GRIK2: variants seen among roughly 807,000 people sequenced by gnomAD.
GRIK2 encodes the protein glutamate receptor ionotropic, kainate 2.
A neutral mutation model predicts 100.3 loss-of-function variants in GRIK2; 32 were observed. The ratio of observed to expected loss-of-function variants is 0.32; its 90% confidence interval spans 0.24 to 0.43. The LOEUF is 0.43. Among genes scored for constraint, GRIK2 ranks in the 20% least tolerant of loss-of-function variants. The pLI, the probability that GRIK2 is intolerant of heterozygous loss-of-function variation, is 1.00. For synonymous variants in GRIK2, 417 were observed against 389.4 expected (o/e 1.07, Z -0.83); for missense variants, 843 against 1,114.9 (o/e 0.76, Z 3.47).
At chr6:101,538,646 G>A (rs1005675720) in intron 2 of GRIK2, among the ~76,000 whole-genome samples, 1 of 149,562 alleles carries the variant, frequency 6.7e-6, no homozygotes, top group Non-Finnish European at 1.5e-5. Flanking sequence ...GCTTGTATTT[G>A]CTCTAAAGGA....
At chr6:101,859,861 G>A (rs1297868537) in intron 11 of GRIK2, among the ~76,000 whole-genome samples, 1 of 152,152 alleles carries the variant, frequency 6.6e-6, no homozygotes, top group Non-Finnish European at 1.5e-5. Flanking sequence ...AACAGAGAGG[G>A]AGAAATGACC....
intron 4 of GRIK2, among the ~76,000 whole-genome samples, chr6:101,672,795 G>A (rs1472601238): frequency 6.6e-6 from 1 of 152,108 alleles, no homozygotes; most frequent in African/African-American, 2.4e-5. Context: ...TTATGGCTGT[G>A]TAGCATTCCA....
At position 101,939,471 on chromosome 6, in the gene GRIK2, A is replaced by G. The variant is rs574516785; in HGVS notation, c.2085+10839A>G. On this transcript the variant is annotated intron_variant, in intron 14 of 16. Coordinates refer to ENST00000369134, the MANE Select transcript of GRIK2 (RefSeq NM_021956.5). ...ATGAATACCGTACTTTTGCAAATAC[A>G]GGTTACCTATGGTTAATGCTACAAT... is the stretch of plus-strand genomic sequence containing the variant. 3.9e-5 allele frequency among the ~76,000 whole-genome samples: 6 copies of G among 152,192 alleles called. No homozygotes were observed. The South Asian group carries it at 1.2e-3, about 32-fold the overall frequency.
At chr6:101,516,156 T>C (rs963527460) in intron 2 of GRIK2, among the ~76,000 whole-genome samples, 6 of 151,204 alleles carry the variant, frequency 4.0e-5, no homozygotes, top group Admixed American at 3.3e-4. Flanking sequence ...AAAATGACCA[T>C]ACTGCCAAAA....
chr6:101,566,858 TATG>T (rs34517332), intron 2 of GRIK2, among the ~76,000 whole-genome samples: 199 of 150,378 alleles, frequency 1.3e-3, no homozygotes, highest in Middle Eastern at 3.6e-3. Flanking sequence ...ATAGACATTT[TATG>T]ATAGACATAT....
chr6:101,411,791 A>G (rs1172556434), intron 2 of GRIK2, among the ~76,000 whole-genome samples: 3 of 152,094 alleles, frequency 2.0e-5, no homozygotes, highest in Admixed American at 6.5e-5. Flanking sequence ...TAGAATATTT[A>G]TATCCACACA....
chr6:101,965,165 C>A (rs1193852147), intron 14 of GRIK2, among the ~76,000 whole-genome samples: 1 of 152,048 alleles, frequency 6.6e-6, no homozygotes, highest in Non-Finnish European at 1.5e-5. Context: ...ACCAAGGCAA[C>A]ATAAAATTAT....
At chr6:101,723,740 G>T (rs1272177287) in intron 7 of GRIK2, among the ~76,000 whole-genome samples, 20 of 151,884 alleles carry the variant, frequency 1.3e-4, no homozygotes, top group Admixed American at 1.3e-3. Flanking sequence ...ATATAATAAA[G>T]ACTAAATAGA....
At chr6:101,424,964 C>T (rs992794524) in intron 2 of GRIK2, among the ~76,000 whole-genome samples, 6 of 152,120 alleles carry the variant, frequency 3.9e-5, no homozygotes, top group East Asian at 3.9e-4. Flanking sequence ...TCCAGTCTAT[C>T]ATTGTTGGAC....
intron 14 of GRIK2, among the ~76,000 whole-genome samples, chr6:101,999,674 A>T (rs1485963071): frequency 1.3e-5 from 2 of 152,086 alleles, no homozygotes; most frequent in Non-Finnish European, 2.9e-5. Flanking sequence ...AAATGACTAT[A>T]TAAGTTTTTT....
In GRIK2 at chr6:101,780,932, A is replaced by G. The variant is rs1447821545; in HGVS notation, c.952-18716A>G. On this transcript the variant is annotated intron_variant, in intron 7 of 16. Transcript: ENST00000369134. ...GTGTTATATTGCTAGGGGTTATAAGAATGTCCTTTGACACTCATGAAATAA... is the reference window on the plus strand; with the variant it reads ...GTGTTATATTGCTAGGGGTTATAAGGATGTCCTTTGACACTCATGAAATAA... Among the ~76,000 whole-genome samples, 3 of 152,194 alleles carry G rather than the reference A, an allele frequency of 2.0e-5. No homozygotes were observed. The East Asian group carries it at 5.8e-4, about 29-fold the overall frequency.
chr6:101,938,959 A>G (rs1790783313), intron 14 of GRIK2, among the ~76,000 whole-genome samples: 2 of 152,028 alleles, frequency 1.3e-5, no homozygotes, highest in East Asian at 1.9e-4. Flanking sequence ...AGATTTGATT[A>G]TCTCTAAAGG....
intron 7 of GRIK2, among the ~76,000 whole-genome samples, chr6:101,796,549 G>A (rs986803211): frequency 6.6e-6 from 1 of 152,028 alleles, no homozygotes; most frequent in African/African-American, 2.4e-5. Context: ...AAAACAACTA[G>A]TCTAAAATTA....
chr6:101,699,173 C>T lies in GRIK2; in HGVS notation c.951+12820C>T, dbSNP rs971533566. ...CCACAGTGCTAGAGTTACTGCCAGA[C>T]CTGGGGTCCTGGTATTTCTGCTGAA... On this transcript the variant is annotated intron_variant, in intron 7 of 16. Coordinates refer to ENST00000369134, the MANE Select transcript of GRIK2 (RefSeq NM_021956.5). Among the ~76,000 whole-genome samples, 3 of 152,244 alleles carry T rather than the reference C, an allele frequency of 2.0e-5. No individual in the cohort carries two copies. The South Asian group carries it at 6.2e-4, about 32-fold the overall frequency.
intron 7 of GRIK2, among the ~76,000 whole-genome samples, chr6:101,792,167 C>A (rs902926547): frequency 1.3e-5 from 2 of 151,214 alleles, no homozygotes; most frequent in African/African-American, 2.4e-5. Flanking sequence ...ATCCAATTTG[C>A]CAGTCTGTGT....
chr6:101,846,414 A>T (rs1230874946), intron 10 of GRIK2, among the ~76,000 whole-genome samples: 2 of 152,078 alleles, frequency 1.3e-5, no homozygotes, highest in African/African-American at 2.4e-5. Flanking sequence ...TCAAGAGATG[A>T]TTCTCATTAT....
rs572114163 is a variant in GRIK2, at chr6:101,763,123, G to C, written c.952-36525G>C. Among the ~76,000 whole-genome samples, 13 of 152,316 alleles carry C rather than the reference G, an allele frequency of 8.5e-5. No individual in the cohort carries two copies. In the East Asian group the frequency reaches 2.1e-3, roughly 25 times the overall value. On this transcript the variant is annotated intron_variant, in intron 7 of 16. Transcript: ENST00000369134. ...CAAAGAACATCAAGGCCATCCTCCA[G>C]AGGAACAAGAAATGACAAAAGGACA...
At chr6:101,723,209 A>G (rs2128366523) in intron 7 of GRIK2, among the ~76,000 whole-genome samples, 1 of 152,172 alleles carries the variant, frequency 6.6e-6, no homozygotes, top group Non-Finnish European at 1.5e-5. Flanking sequence ...AAAGTGACTC[A>G]TGTCAAAGAT....
intron 7 of GRIK2, among the ~76,000 whole-genome samples, chr6:101,795,447 T>C (rs1312532738): frequency 1.3e-5 from 2 of 152,160 alleles, no homozygotes; most frequent in African/African-American, 4.8e-5. Context: ...TGCCTGTCTT[T>C]AGGCTCCTGT....
Sources: allele counts gnomAD v4.1 joint callset (sites outside exome capture counted in the v4.1 genomes callset), GRCh38; gene constraint gnomAD v4.1.1; transcripts MANE v1.5; gene names NCBI Gene and HGNC (gene_info 2026-07-23, HGNC 2026-07-21).